The following CEP152 variants were observed in gnomAD, a reference collection of about 807,000 sequenced individuals.
CEP152 encodes centrosomal protein 152.
A neutral mutation model predicts 188.9 loss-of-function variants in CEP152; 132 were observed. The observed-to-expected ratio is 0.70, with a 90% confidence interval of 0.61 to 0.81. CEP152 has a LOEUF of 0.81. CEP152 is among the 30% of genes least tolerant of loss of function. CEP152 has a pLI of 0.00. For missense variants in CEP152, 1,914 were observed against 1,969.8 expected (o/e 0.97, Z 0.54); for synonymous variants, 649 against 666.6 (o/e 0.97, Z 0.41).
intron 21 of CEP152, among the ~76,000 whole-genome samples, chr15:48,751,078 T>C (rs1034084356): frequency 6.6e-6 from 1 of 152,158 alleles, no homozygotes; most frequent in Non-Finnish European, 1.5e-5. Context: ...TAACCAAACA[T>C]CCAACAGTGG....
chr15:48,783,860 G>A, intron 10 of CEP152, 113 bp downstream of exon 10: 1 of 862,608 alleles, frequency 1.2e-6, no homozygotes, highest in East Asian at 2.7e-5. Context: ...GAAATTTATT[G>A]CTGATTGTGT....
At chr15:48,743,588 C>T (rs1566976006) in intron 24 of CEP152, among the ~76,000 whole-genome samples, 1 of 152,168 alleles carries the variant, frequency 6.6e-6, no homozygotes. Flanking sequence ...GGAGGCCGGG[C>T]ACAGTGGCTC....
chr15:48,743,999 A>C (rs1251611029), intron 24 of CEP152, among the ~76,000 whole-genome samples: 2 of 152,250 alleles, frequency 1.3e-5, no homozygotes, highest in Non-Finnish European at 2.9e-5. Context: ...AAAAGAAACA[A>C]GAAAATCAAC....
At chr15:48,785,961 T>C (rs1228057840) in intron 9 of CEP152, among the ~76,000 whole-genome samples, 1 of 149,058 alleles carries the variant, frequency 6.7e-6, no homozygotes, top group Non-Finnish European at 1.5e-5. Context: ...GACAGCTGAA[T>C]CTGTGGGAGG....
Position 48,790,987 on chromosome 15 carries a change from T to C in CEP152, c.972+250A>G, listed in dbSNP as rs143175098. Among the ~76,000 whole-genome samples the C allele has an allele frequency of 4.3e-3, 657 of 152,298 alleles. 4 individuals are homozygous for C. Among genetic ancestry groups the C allele is most frequent in the African/African-American group, 0.015 (626 of 41,564 alleles). On this transcript the variant is annotated intron_variant, in intron 8 of 26. Transcript: ENST00000380950. ...AATGGCTATCTCATTAATCAAAGAA[T>C]GTGAATGTGTCACCACTTTAAACTC...
intron 1 of CEP152, among the ~76,000 whole-genome samples, chr15:48,808,224 T>C (rs564654792): frequency 6.6e-6 from 1 of 151,554 alleles, no homozygotes; most frequent in East Asian, 1.9e-4. Flanking sequence ...CCAGAGACTT[T>C]AGTATAATAT....
intron 12 of CEP152, among the ~76,000 whole-genome samples, chr15:48,774,298 T>C (rs928065114): frequency 2.0e-5 from 3 of 152,096 alleles, no homozygotes; most frequent in African/African-American, 7.2e-5. Context: ...ATGGAAAACA[T>C]ATTTGAAAAA....
intron 2 of CEP152, 86 bp downstream of exon 2, chr15:48,805,477 C>T (rs1595708357): frequency 1.3e-6 from 2 of 1,488,836 alleles, no homozygotes; most frequent in South Asian, 1.3e-5. Flanking sequence ...CAAAATGACA[C>T]AAGATGATAC....
Position 48,752,489 on chromosome 15 carries a change from A to G in CEP152, c.3346-20T>C, listed in dbSNP as rs767873458. On this transcript the variant is annotated intron_variant, in intron 20 of 26. Coordinates refer to ENST00000380950, the MANE Select transcript of CEP152 (RefSeq NM_001194998.2). ...ATTTCTCTGAAATAAAGTATCTTCAAAGTTAATGCTTAGTAAAAATCTTTA... is the reference window on the plus strand; with the variant it reads ...ATTTCTCTGAAATAAAGTATCTTCAGAGTTAATGCTTAGTAAAAATCTTTA... The G allele has an allele frequency of 4.3e-6, 7 of 1,612,202 alleles. No homozygotes were observed. Among genetic ancestry groups the G allele is most frequent in the Non-Finnish European group, 5.9e-6 (7 of 1,179,822 alleles).
rs115394605 is a variant in CEP152 at position 48,769,551 on chromosome 15, G to A, written c.1783-470C>T. Reference sequence around the variant, plus strand: ...AAGAACTGATATGTGCTCTTTGCAGGAGACACATGATATCACTATGTCTCA... The same window carrying A: ...AAGAACTGATATGTGCTCTTTGCAGAAGACACATGATATCACTATGTCTCA... On this transcript the variant is annotated intron_variant, in intron 13 of 26. Coordinates refer to ENST00000380950, the MANE Select transcript of CEP152 (RefSeq NM_001194998.2). 3.5e-3 allele frequency among the ~76,000 whole-genome samples: 540 copies of A among 152,236 alleles called. 3 individuals carry two copies. The highest frequency in any genetic ancestry group is 0.013 in the African/African-American group (523 of 41,536).
chr15:48,777,138 A>C (rs192156272), intron 12 of CEP152, among the ~76,000 whole-genome samples: 86 of 152,250 alleles, frequency 5.6e-4, no homozygotes, highest in African/African-American at 2.0e-3. Context: ...GTAATGGGGT[A>C]GCCTGGTTGG....
chr15:48,748,675 A>C, intron 21 of CEP152, 65 bp from the exon 22 acceptor site: 2 of 1,319,204 alleles, frequency 1.5e-6, no homozygotes, highest in African/African-American at 1.5e-5. Flanking sequence ...ATTAAAAAAA[A>C]AAAAAAAAGA....
intron 20 of CEP152, among the ~76,000 whole-genome samples, chr15:48,754,254 C>T (rs2140655315): frequency 6.6e-6 from 1 of 152,220 alleles, no homozygotes; most frequent in Non-Finnish European, 1.5e-5. Context: ...ACTTATGAGC[C>T]TCATTAAGTC....
In CEP152 at chr15:48,756,491, T is replaced by G. The variant is rs1218149124; in HGVS notation, c.2757A>C (p.Lys919Asn). ...KWKSELENMRKNILPGKELEE... is the reference protein window; with the variant it reads ...KWKSELENMRNNILPGKELEE... ...CCAATTCCTTTCCAGGAAGTATATT[T>G]TTCCTCATATTTTCAAGCTCACTCT... is the stretch of plus-strand genomic sequence containing the variant. Residue 919 changes from lysine to asparagine, a missense_variant, in exon 20 of 27, where the codon AAA (lysine) becomes AAC (asparagine). Coordinates refer to ENST00000380950, the MANE Select transcript of CEP152 (RefSeq NM_001194998.2). 1 of 1,612,088 alleles carries G rather than the reference T, an allele frequency of 6.2e-7. No individual in the cohort carries two copies. Among genetic ancestry groups the G allele is most frequent in the African/African-American group, 1.3e-5 (1 of 74,916 alleles).
At chr15:48,808,797 T>A (rs374486351) in intron 1 of CEP152, among the ~76,000 whole-genome samples, 1 of 152,218 alleles carries the variant, frequency 6.6e-6, no homozygotes. Flanking sequence ...AAAATTATTT[T>A]GAATTAATTT....
chr15:48,800,066 C>T (rs1897581027), intron 2 of CEP152, among the ~76,000 whole-genome samples: 1 of 151,990 alleles, frequency 6.6e-6, no homozygotes, highest in Non-Finnish European at 1.5e-5. Flanking sequence ...GTTTTCCCCG[C>T]ACAAAAACAA....
chr15:48,757,450 T>G (rs181606846), intron 19 of CEP152, among the ~76,000 whole-genome samples: 1 of 152,372 alleles, frequency 6.6e-6, no homozygotes, highest in Admixed American at 6.5e-5. Flanking sequence ...TAGTTATTAC[T>G]TTTGGATGCA....
chr15:48,769,009 C>T lies in CEP152; in HGVS notation c.1855G>A (p.Asp619Asn). ...PESSTSDVVR[D>N]DILLLKNEIQ... is the part of the protein sequence containing the mutation. Reference sequence around the variant, plus strand: ...TCATTTTTAAGCAGCAGAATATCATCTCTGACAACATCAGAAGTAGAAGAC... The same window carrying T: ...TCATTTTTAAGCAGCAGAATATCATTTCTGACAACATCAGAAGTAGAAGAC... Residue 619 changes from aspartate (D) to asparagine (N), a missense_variant, in exon 14 of 27, where the codon GAT becomes AAT. Asp to Asn is a conservative substitution (Grantham distance 23). Coordinates refer to ENST00000380950, the MANE Select transcript of CEP152 (RefSeq NM_001194998.2). The T allele has an allele frequency of 6.3e-7, 1 of 1,592,610 alleles. No homozygotes were observed. Among genetic ancestry groups the T allele is most frequent in the Non-Finnish European group, 8.6e-7 (1 of 1,161,444 alleles).
rs1400701757 is a variant in CEP152, at chr15:48,781,277, CCTT to C, written c.1493_1495del (p.Glu498del). 1 of 1,613,050 alleles carries C rather than the reference CCTT, an allele frequency of 6.2e-7. No homozygotes were observed. Among genetic ancestry groups the C allele is most frequent in the African/African-American group, 1.3e-5 (1 of 74,876 alleles). On this transcript the variant is annotated inframe_deletion, in exon 12 of 27. Transcript: ENST00000380950. ...TTCAGTGAGTTCTATATTTAATTCT[CCTT>C]CTGAGTCACTTGGATGTATTCCTAG...
Sources: gnomAD v4.1 joint callset for allele counts (sites outside exome capture counted in the v4.1 genomes callset) on GRCh38, gnomAD v4.1.1 for gene constraint, MANE v1.5 for transcripts, NCBI Gene and HGNC (gene_info 2026-07-23, HGNC 2026-07-21) for gene names.